Variants in EPHA7 observed in about 807,000 individuals in gnomAD.
EPHA7 encodes ephrin type-A receptor 7.
In EPHA7, 25 loss-of-function variants were observed where a neutral mutation model predicts 112.6. That is an observed-to-expected ratio of 0.22 (90% confidence interval 0.16 to 0.31). The LOEUF (loss-of-function observed/expected upper bound fraction) is 0.31. EPHA7 is among the 10% of genes least tolerant of loss of function. The pLI is 1.00. For synonymous variants in EPHA7, 437 were observed against 406.5 expected, an observed-to-expected ratio of 1.07 and a Z score of -0.90; for missense variants, 962 against 1,212.6, an observed-to-expected ratio of 0.79 and a Z score of 3.07.
intron 3 of EPHA7, among the ~76,000 whole-genome samples, chr6:93,380,299 G>C (rs1427976322): frequency 6.6e-6 from 1 of 152,034 alleles, no homozygotes; most frequent in African/African-American, 2.4e-5. Flanking sequence ...AACTCAAACT[G>C]TTAAAGGCAT....
chr6:93,322,620 G>A (rs527579498), intron 5 of EPHA7, among the ~76,000 whole-genome samples: 7 of 151,670 alleles, frequency 4.6e-5, no homozygotes, highest in Non-Finnish European at 7.4e-5. Flanking sequence ...AGCAGTGCAC[G>A]TAGCTCAGGT....
At chr6:93,342,758 GTA>G (rs1382499417) in intron 5 of EPHA7, among the ~76,000 whole-genome samples, 1 of 150,790 alleles carries the variant, frequency 6.6e-6, no homozygotes, top group Non-Finnish European at 1.5e-5. Context: ...TTGAGTTATC[GTA>G]TATATGTTTA....
intron 3 of EPHA7, among the ~76,000 whole-genome samples, chr6:93,362,622 GT>G (rs1562125867): frequency 6.6e-6 from 1 of 152,074 alleles, no homozygotes; most frequent in Non-Finnish European, 1.5e-5. Context: ...TTCAATAGAT[GT>G]TTTGTTTAAG....
In EPHA7 at chr6:93,406,501, T is replaced by C. The variant is rs1778728999; in HGVS notation, c.832+4000A>G. The stretch of plus-strand genomic sequence containing the variant: ...AAGTCCAGAACAAATTTTAGAGAAG[T>C]AGTGGAGTGAGGAAAAAAGACTTGA... On this transcript the variant is annotated intron_variant, in intron 3 of 16. Transcript: ENST00000369303. Among the ~76,000 whole-genome samples the C allele has an allele frequency of 2.0e-5, 3 of 152,010 alleles. No homozygotes were observed. The South Asian group carries it at 6.2e-4, about 32-fold the overall frequency.
intron 3 of EPHA7, among the ~76,000 whole-genome samples, chr6:93,395,965 T>C (rs1335328203): frequency 1.3e-5 from 2 of 151,906 alleles, no homozygotes; most frequent in African/African-American, 2.4e-5. Flanking sequence ...TTGGATTCTC[T>C]ACCTTTTTAA....
At chr6:93,285,217 T>G (rs1047606563) in intron 5 of EPHA7, among the ~76,000 whole-genome samples, 22 of 152,192 alleles carry the variant, frequency 1.4e-4, no homozygotes, top group Admixed American at 1.3e-3. Context: ...AACTTCTATT[T>G]TAAAGTTGTT....
At chr6:93,265,766 G>A (rs977062467) in intron 7 of EPHA7, among the ~76,000 whole-genome samples, 5 of 151,672 alleles carry the variant, frequency 3.3e-5, no homozygotes, top group Admixed American at 1.3e-4. Context: ...ATTTAAGGCA[G>A]GATGGGAAAT....
At chr6:93,264,369 C>A (rs1770830254) in intron 8 of EPHA7, among the ~76,000 whole-genome samples, 2 of 151,538 alleles carry the variant, frequency 1.3e-5, no homozygotes, top group South Asian at 4.2e-4. Context: ...AAAATATTCA[C>A]CCAATAAAAA....
At chr6:93,244,920 T>C (rs1489479760) in intron 16 of EPHA7, among the ~76,000 whole-genome samples, 4 of 152,134 alleles carry the variant, frequency 2.6e-5, no homozygotes, top group African/African-American at 7.2e-5. Context: ...ATCTAAATAA[T>C]ACAGAAGTTA....
At chr6:93,347,098 C>T (rs1212159266) in intron 5 of EPHA7, among the ~76,000 whole-genome samples, 2 of 151,732 alleles carry the variant, frequency 1.3e-5, no homozygotes, top group Non-Finnish European at 2.9e-5. Context: ...TAGCAAATTA[C>T]AAATTTGTAT....
intron 3 of EPHA7, among the ~76,000 whole-genome samples, chr6:93,376,496 T>C (rs951574126): frequency 4.6e-5 from 7 of 152,128 alleles, no homozygotes; most frequent in Non-Finnish European, 8.8e-5. Flanking sequence ...CTGACATGAA[T>C]TCTTTGAGAA....
chr6:93,310,687 C>T (rs1447786323), intron 5 of EPHA7, among the ~76,000 whole-genome samples: 1 of 151,770 alleles, frequency 6.6e-6, no homozygotes, highest in Non-Finnish European at 1.5e-5. Context: ...GTTACGTTTA[C>T]ATTAACATTA....
chr6:93,364,243 G>T (rs892739119), intron 3 of EPHA7, among the ~76,000 whole-genome samples: 2 of 152,182 alleles, frequency 1.3e-5, no homozygotes, highest in East Asian at 3.9e-4. Flanking sequence ...ATCCATCAGG[G>T]CCGGGCACGG....
chr6:93,346,360 T>TA (rs1470346593), intron 5 of EPHA7, among the ~76,000 whole-genome samples: 1 of 151,724 alleles, frequency 6.6e-6, no homozygotes, highest in East Asian at 1.9e-4. Context: ...CAATAACACT[T>TA]AGAGAAATGG....
chr6:93,244,501 T>C (rs1769856379), intron 16 of EPHA7, among the ~76,000 whole-genome samples: 1 of 152,118 alleles, frequency 6.6e-6, no homozygotes, highest in Non-Finnish European at 1.5e-5. Flanking sequence ...GCACATTGAC[T>C]GAGAGGAACT....
At chr6:93,292,147 G>GC (rs1315885126) in intron 5 of EPHA7, among the ~76,000 whole-genome samples, 1 of 152,118 alleles carries the variant, frequency 6.6e-6, no homozygotes, top group Non-Finnish European at 1.5e-5. Context: ...TTGAAGTCAT[G>GC]CAAGAAAAGG....
intron 5 of EPHA7, among the ~76,000 whole-genome samples, chr6:93,311,114 A>C (rs1427443461): frequency 1.3e-5 from 1 of 78,526 alleles, no homozygotes; most frequent in Non-Finnish European, 2.3e-5. Context: ...ATGCCCAGCT[A>C]TTTTTTTTTT....
chr6:93,251,943 A>C (rs879910206), intron 14 of EPHA7, among the ~76,000 whole-genome samples: 9 of 152,058 alleles, frequency 5.9e-5, no homozygotes, highest in Non-Finnish European at 1.0e-4. Context: ...TTAAAACTTA[A>C]GAAAATAATA....
chr6:93,314,900 T>C (rs1430444727), intron 5 of EPHA7, among the ~76,000 whole-genome samples: 2 of 141,720 alleles, frequency 1.4e-5, no homozygotes, highest in Non-Finnish European at 3.0e-5. Flanking sequence ...TCTCGCTCTG[T>C]CGCCCAGGCT....
Sources: allele counts gnomAD v4.1 joint callset (sites outside exome capture counted in the v4.1 genomes callset), GRCh38; gene constraint gnomAD v4.1.1; transcripts MANE v1.5; gene names NCBI Gene and HGNC (gene_info 2026-07-23, HGNC 2026-07-21).